CLEC5A: variants seen among roughly 807,000 people sequenced by gnomAD.
CLEC5A encodes the protein C-type lectin domain containing 5A.
CLEC5A carries 15 observed loss-of-function variants against 24.4 expected under a neutral mutation model. That is an observed-to-expected ratio of 0.62 (90% CI 0.41 to 0.95). The LOEUF is 0.95. CLEC5A is among the 40% of genes least tolerant of loss of function. The pLI, the probability that CLEC5A is intolerant of heterozygous loss-of-function variation, is 0.00. For synonymous variants in CLEC5A, 71 were observed against 72.6 expected (o/e 0.98, Z 0.11); for missense variants, 211 against 224.0 (o/e 0.94, Z 0.37).
In CLEC5A at chr7:141,941,961, T is replaced by C. The variant is rs111443922; in HGVS notation, c.208+1935A>G. Among the ~76,000 whole-genome samples, 661 of 152,152 alleles carry C rather than the reference T, an allele frequency of 4.3e-3. 6 individuals carry two copies. The highest frequency in any genetic ancestry group is 0.015 in the African/African-American group (635 of 41,540). On this transcript the variant is annotated intron_variant, in intron 4 of 6. Coordinates refer to ENST00000546910, the MANE Select transcript of CLEC5A (RefSeq NM_013252.3). ...AAAAAATAGAAAAATATTCCATGTT[T>C]GTGGATTGGAAGAATCAATATTGTT... is the stretch of plus-strand genomic sequence containing the variant.
intron 5 of CLEC5A, among the ~76,000 whole-genome samples, chr7:141,932,988 A>G (rs1307691918): frequency 6.6e-6 from 1 of 152,242 alleles, no homozygotes; most frequent in African/African-American, 2.4e-5. Flanking sequence ...CAGGAAAACT[A>G]TGAAACCACT....
Position 141,929,913 on chromosome 7 carries a change from G to A in CLEC5A, c.*191C>T, listed in dbSNP as rs998609756. 8.5e-5 allele frequency: 48 copies of A among 562,474 alleles called. No individual in the cohort carries two copies. Among genetic ancestry groups the A allele is most frequent in the African/African-American group, 6.1e-4 (32 of 52,590 alleles). 34.8% of individuals were successfully genotyped at this position (562,474 alleles called of 1,614,324 possible). On this transcript the variant is annotated 3_prime_UTR_variant, in exon 7 of 7. Coordinates refer to ENST00000546910, the MANE Select transcript of CLEC5A (RefSeq NM_013252.3). Reference sequence around the variant, plus strand: ...TCTCTATACTAACTGAGTTGTTTCCGTAAAACTGATCCTGTCTCCTGGAGA... The same window carrying A: ...TCTCTATACTAACTGAGTTGTTTCCATAAAACTGATCCTGTCTCCTGGAGA...
chr7:141,938,188 G>A (rs1047264115), intron 4 of CLEC5A, among the ~76,000 whole-genome samples: 3 of 152,162 alleles, frequency 2.0e-5, no homozygotes. Context: ...AGGCACCAGG[G>A]ACCAATCCTG....
intron 4 of CLEC5A, among the ~76,000 whole-genome samples, chr7:141,938,184 C>T (rs1229204251): frequency 6.6e-6 from 1 of 152,152 alleles, no homozygotes; most frequent in Non-Finnish European, 1.5e-5. Context: ...AATAAGGCAC[C>T]AGGGACCAAT....
chr7:141,928,249 G>A lies in CLEC5A; in HGVS notation c.*1855C>T, dbSNP rs373750905. Reference sequence around the variant, plus strand: ...TGCACAGAAGTGTCTCCTAATCTTGGGGGAAATTAAACTGTCTACTAAAGA... The same window carrying A: ...TGCACAGAAGTGTCTCCTAATCTTGAGGGAAATTAAACTGTCTACTAAAGA... On this transcript the variant is annotated 3_prime_UTR_variant, in exon 7 of 7. Transcript: ENST00000546910. The A allele has an allele frequency of 8.9e-4, 136 of 152,580 alleles. No individual in the cohort carries two copies. Among genetic ancestry groups the A allele is most frequent in the African/African-American group, 3.1e-3 (129 of 41,522 alleles). The allele number at this position is 152,580 out of a possible 1,614,324, so 9.5% of individuals were successfully genotyped here.
rs118162062 is a variant in CLEC5A, at chr7:141,930,182, G to A, written c.489C>T (p.Thr163=). Residue 163 remains threonine, a synonymous_variant, in exon 7 of 7, where the codon ACC becomes ACT. Transcript: ENST00000546910. Reference sequence around the variant, plus strand: ...CATCAAATGTCTTTGTTAGGCCAATGGTCGCACAGTTGAAATTCTGATTCT... The same window carrying A: ...CATCAAATGTCTTTGTTAGGCCAATAGTCGCACAGTTGAAATTCTGATTCT... ...TNQNQNFNCA[T]IGLTKTFDAA... 1.2e-6 allele frequency: 2 copies of A among 1,614,072 alleles called. No individual in the cohort carries two copies. The highest frequency in any genetic ancestry group is 2.7e-5 in the African/African-American group (2 of 75,046).
In CLEC5A at chr7:141,937,348, C is replaced by G. The variant is rs111774115; in HGVS notation, c.209-1398G>C. On this transcript the variant is annotated intron_variant, in intron 4 of 6. Coordinates refer to ENST00000546910, the MANE Select transcript of CLEC5A (RefSeq NM_013252.3). Reference sequence around the variant, plus strand: ...CAGCATTCGTGACAAGCTGACCAAACAGCCCCTGTGCCTTAAACAAAAATC... The same window carrying G: ...CAGCATTCGTGACAAGCTGACCAAAGAGCCCCTGTGCCTTAAACAAAAATC... Among the ~76,000 whole-genome samples, 661 of 152,152 alleles carry G rather than the reference C, an allele frequency of 4.3e-3. 5 individuals are homozygous for G. Among genetic ancestry groups the G allele is most frequent in the African/African-American group, 0.015 (635 of 41,494 alleles).
chr7:141,946,112 G>A (rs578072994), intron 2 of CLEC5A, 102 bp downstream of exon 2: 1 of 1,301,932 alleles, frequency 7.7e-7, no homozygotes, highest in East Asian at 2.5e-5. Flanking sequence ...CAGGTGGAAA[G>A]ACTTGGATAT....
At position 141,935,808 on chromosome 7, in the gene CLEC5A, T is replaced by C; in HGVS notation, c.345+6A>G. The C allele has an allele frequency of 6.2e-7, 1 of 1,613,960 alleles. No individual in the cohort carries two copies. The highest frequency in any genetic ancestry group is 1.1e-5 in the South Asian group (1 of 91,076). ...TGGCTTTACTGTACCATTCCAGTGT[T>C]CTCACCAGTTTCTCTGGCGTGTTGA... On this transcript the variant is annotated splice_donor_region_variant and intron_variant, in intron 5 of 6. Coordinates refer to ENST00000546910, the MANE Select transcript of CLEC5A (RefSeq NM_013252.3).
intron 5 of CLEC5A, among the ~76,000 whole-genome samples, chr7:141,935,088 T>C (rs1802579358): frequency 6.6e-6 from 1 of 152,164 alleles, no homozygotes; most frequent in Admixed American, 6.5e-5. Context: ...ATTACCAAGA[T>C]TCAGAAAGGA....
chr7:141,946,035 G>T, intron 2 of CLEC5A, 179 bp downstream of exon 2: 2 of 623,578 alleles, frequency 3.2e-6, no homozygotes, highest in South Asian at 4.2e-5. Flanking sequence ...AAGGAGCCTG[G>T]GCCACTGTGT....
At chr7:141,940,900 A>T (rs1554441583) in intron 4 of CLEC5A, among the ~76,000 whole-genome samples, 2 of 152,138 alleles carry the variant, frequency 1.3e-5, no homozygotes, top group Non-Finnish European at 2.9e-5. Context: ...AAACCTGAAC[A>T]GATCAATAAC....
intron 5 of CLEC5A, among the ~76,000 whole-genome samples, chr7:141,935,476 G>A (rs781984264): frequency 3.3e-5 from 5 of 152,008 alleles, no homozygotes; most frequent in Non-Finnish European, 5.9e-5. Context: ...TCTTTTTGTT[G>A]TTAAACAACT....
chr7:141,930,035 C>A lies in CLEC5A; in HGVS notation c.*69G>T. The A allele has an allele frequency of 1.6e-6, 2 of 1,230,928 alleles. No homozygotes were observed. Among genetic ancestry groups the A allele is most frequent in the Non-Finnish European group, 2.3e-6 (2 of 852,876 alleles). 76.3% of individuals were successfully genotyped at this position (1,230,928 alleles called of 1,614,324 possible). The stretch of plus-strand genomic sequence containing the variant: ...TAGACAGATAGGTAAGTAAAAGAAT[C>A]ATTGGCCAGACGACCTGTATGGATT... On this transcript the variant is annotated 3_prime_UTR_variant, in exon 7 of 7. Coordinates refer to ENST00000546910, the MANE Select transcript of CLEC5A (RefSeq NM_013252.3).
chr7:141,935,394 T>C lies in CLEC5A; in HGVS notation c.345+420A>G, dbSNP rs539359371. Reference sequence around the variant, plus strand: ...ATTCTTACTTTTTCACACTACTAATTTTGTCAGTTCACGTCTTCCTTGTTT... The same window carrying C: ...ATTCTTACTTTTTCACACTACTAATCTTGTCAGTTCACGTCTTCCTTGTTT... On this transcript the variant is annotated intron_variant, in intron 5 of 6. Coordinates refer to ENST00000546910, the MANE Select transcript of CLEC5A (RefSeq NM_013252.3). Among the ~76,000 whole-genome samples, 37 of 152,306 alleles carry C rather than the reference T, an allele frequency of 2.4e-4. No homozygotes were observed. The South Asian group carries it at 2.5e-3, about 10-fold the overall frequency.
In CLEC5A at chr7:141,927,578, C is replaced by T. The variant is rs1448002455; in HGVS notation, c.*2526G>A. Reference sequence around the variant, plus strand: ...GCTGATCTAGGGTGGCTCTGCTGATCTCAGGTGGATTTGTTCGTGAGTCTA... The same window carrying T: ...GCTGATCTAGGGTGGCTCTGCTGATTTCAGGTGGATTTGTTCGTGAGTCTA... On this transcript the variant is annotated 3_prime_UTR_variant, in exon 7 of 7. Coordinates refer to ENST00000546910, the MANE Select transcript of CLEC5A (RefSeq NM_013252.3). The T allele has an allele frequency of 6.6e-6, 1 of 152,234 alleles. No individual in the cohort carries two copies. Among genetic ancestry groups the T allele is most frequent in the Non-Finnish European group, 1.5e-5 (1 of 68,060 alleles). The allele number at this position is 152,234 out of a possible 1,614,324, so 9.4% of individuals were successfully genotyped here. A position where few individuals can be genotyped will look rare whatever the true frequency, so the allele number is the denominator to read the frequency against.
At position 141,946,211 on chromosome 7, in the gene CLEC5A, C is replaced by A; in HGVS notation, c.79+3G>T. The A allele has an allele frequency of 6.4e-7, 1 of 1,560,206 alleles. No homozygotes were observed. Among genetic ancestry groups the A allele is most frequent in the South Asian group, 1.2e-5 (1 of 84,716 alleles). ...TGGGGCAAGAGGTTGCTCAAATACT[C>A]ACAATAAAGTAGAAATAAGGTCATT... On this transcript the variant is annotated splice_donor_region_variant and intron_variant, in intron 2 of 6. Transcript: ENST00000546910.
chr7:141,930,531 T>C (rs546291925), intron 6 of CLEC5A, among the ~76,000 whole-genome samples: 2 of 152,322 alleles, frequency 1.3e-5, no homozygotes, highest in East Asian at 3.9e-4. Flanking sequence ...GTTAGAAGCA[T>C]CTCATGGGCT....
rs112606557 is a variant in CLEC5A, at chr7:141,931,829, G to A, written c.346-3C>T. 4.3e-3 allele frequency: 6,394 copies of A among 1,492,208 alleles called. 249 individuals carry two copies. In the African/African-American group the frequency reaches 0.08, roughly 19 times the overall value. 92.4% of individuals were successfully genotyped at this position (1,492,208 alleles called of 1,614,324 possible). Reference sequence around the variant, plus strand: ...TCAGTTATGTCCTGAAGAAACTTCTGGAAATAAAAAAAAAATTTTACCAGT... The same window carrying A: ...TCAGTTATGTCCTGAAGAAACTTCTAGAAATAAAAAAAAAATTTTACCAGT... On this transcript the variant is annotated splice_polypyrimidine_tract_variant and splice_region_variant and intron_variant, in intron 5 of 6. Transcript: ENST00000546910.
Sources: gnomAD v4.1 joint callset for allele counts (sites outside exome capture counted in the v4.1 genomes callset) on GRCh38, gnomAD v4.1.1 for gene constraint, MANE v1.5 for transcripts, NCBI Gene and HGNC (gene_info 2026-07-23, HGNC 2026-07-21) for gene names.